The following AP3D1 variants were observed in gnomAD, a reference collection of about 807,000 sequenced individuals.
AP3D1 encodes the protein AP-3 complex subunit delta-1.
Under a neutral mutation model 147.6 loss-of-function variants are expected in AP3D1, and 51 were observed. The ratio of observed to expected loss-of-function variants is 0.35; its 90% CI spans 0.28 to 0.44. The LOEUF (loss-of-function observed/expected upper bound fraction) is 0.44. AP3D1 is among the 20% of genes least tolerant of loss of function. The probability of loss-of-function intolerance (pLI) is 1.00; values close to 1 mark genes in which losing one functional copy is unlikely to be tolerated. For synonymous variants in AP3D1, 760 were observed against 663.0 expected (o/e 1.15, Z -2.25); for missense variants, 1,421 against 1,624.2 (o/e 0.87, Z 2.15).
upstream of AP3D1, among the ~76,000 whole-genome samples, chr19:2,154,182 A>T (rs2019626740): frequency 6.6e-6 from 1 of 151,570 alleles, no homozygotes; most frequent in African/African-American, 2.4e-5. Flanking sequence ...TACTGACCTC[A>T]GGTGATCCGC....
At chr19:2,116,862 C>T in intron 16 of AP3D1, 116 bp from the exon 17 acceptor site, 14 of 1,341,820 alleles carry the variant, frequency 1.0e-5, no homozygotes, top group Non-Finnish European at 1.4e-5. Context: ...AACAGTGGGG[C>T]CTGCCACCCA....
intron 9 of AP3D1, among the ~76,000 whole-genome samples, chr19:2,125,042 G>A (rs1164426893): frequency 6.6e-6 from 1 of 152,190 alleles, no homozygotes; most frequent in African/African-American, 2.4e-5. Flanking sequence ...AGTGTACACT[G>A]CCTGGGTGTT....
chr19:2,146,772 C>T (rs1017304123), intron 1 of AP3D1, among the ~76,000 whole-genome samples: 1 of 152,086 alleles, frequency 6.6e-6, no homozygotes, highest in African/African-American at 2.4e-5. Context: ...GGGACGCATT[C>T]GGGAATTCTG....
intron 24 of AP3D1, chr19:2,112,071 C>T (rs899592649): frequency 1.9e-5 from 11 of 580,996 alleles, no homozygotes; most frequent in African/African-American, 5.6e-5. Context: ...CAGTCCCCAC[C>T]GACCAGGGAG....
intron 31 of AP3D1, among the ~76,000 whole-genome samples, chr19:2,105,473 A>C (rs1206151452): frequency 2.0e-5 from 3 of 152,236 alleles, no homozygotes; most frequent in Non-Finnish European, 4.4e-5. Flanking sequence ...GCTGCAGTTA[A>C]CTAGCCCAAC....
intron 4 of AP3D1, among the ~76,000 whole-genome samples, chr19:2,135,428 C>T (rs1420808171): frequency 6.6e-6 from 1 of 150,808 alleles, no homozygotes; most frequent in Non-Finnish European, 1.5e-5. Context: ...TCCAGCTACT[C>T]GGGAGGCTGA....
intron 1 of AP3D1, among the ~76,000 whole-genome samples, chr19:2,147,200 G>GC (rs1419824592): frequency 6.6e-6 from 1 of 152,058 alleles, no homozygotes; most frequent in Non-Finnish European, 1.5e-5. Context: ...CAAAAAATTA[G>GC]CCGGGGTGGT....
At chr19:2,134,582 CTA>C (rs752937005) in intron 4 of AP3D1, among the ~76,000 whole-genome samples, 147 of 127,958 alleles carry the variant, frequency 1.1e-3, no homozygotes, top group African/African-American at 3.4e-3. Flanking sequence ...TAAAAATACC[CTA>C]AAAAAAAAAA....
chr19:2,129,318 C>T lies in AP3D1; in HGVS notation c.732G>A (p.Leu244=). Residue 244 remains leucine (L), a splice_region_variant and synonymous_variant, in exon 7 of 32, where the codon CTG becomes CTA. Coordinates refer to ENST00000643116, the MANE Select transcript of AP3D1 (RefSeq NM_001261826.3). ...NNWVLIKIIK[L]FGALTPLEPR... is the part of the protein sequence containing the mutation. ...GGCCACATTCCCGGGCAGTACTTGC[C>T]AGCTTGATGATCTTGATGAGGACCC... 6.2e-7 allele frequency: 1 copy of T among 1,613,908 alleles called. No individual in the cohort carries two copies.
At chr19:2,140,755 C>CTT (rs71176516) in intron 1 of AP3D1, among the ~76,000 whole-genome samples, 1,167 of 107,138 alleles carry the variant, frequency 0.011, 23 homozygotes, top group Non-Finnish European at 0.014. Flanking sequence ...ACACAAACGT[C>CTT]TTTTTTTTTT....
rs544137028 is a variant in AP3D1 at position 2,145,372 on chromosome 19, CACCA to C, written c.96+5863_96+5866del. Among the ~76,000 whole-genome samples the C allele has an allele frequency of 7.4e-4, 113 of 152,358 alleles. No individual in the cohort carries two copies. In the Middle Eastern group the frequency reaches 0.014, roughly 18 times the overall value. ...CTCACTGCCACGTGGACAAATCAGC[CACCA>C]GCCAGTCCAAGAACTCCTAAGGCAG... On this transcript the variant is annotated intron_variant, in intron 1 of 31. Transcript: ENST00000643116.
intron 15 of AP3D1, among the ~76,000 whole-genome samples, chr19:2,117,818 G>C (rs1422510737): frequency 6.6e-6 from 1 of 152,246 alleles, no homozygotes; most frequent in African/African-American, 2.4e-5. Flanking sequence ...ATGCAGCCTT[G>C]AAGCTGGGTC....
chr19:2,140,455 G>A (rs1202274176), intron 1 of AP3D1, among the ~76,000 whole-genome samples: 1 of 151,690 alleles, frequency 6.6e-6, no homozygotes, highest in Non-Finnish European at 1.5e-5. Context: ...CCATGTGGTG[G>A]GTCTGCTCCA....
intron 1 of AP3D1, among the ~76,000 whole-genome samples, chr19:2,144,000 C>A (rs1332374804): frequency 6.6e-6 from 1 of 151,250 alleles, no homozygotes; most frequent in Non-Finnish European, 1.5e-5. Context: ...GCAAGAGAAT[C>A]GCTTGCACCC....
intron 1 of AP3D1, among the ~76,000 whole-genome samples, chr19:2,141,600 C>T (rs1260607319): frequency 1.3e-5 from 2 of 151,972 alleles, no homozygotes; most frequent in Non-Finnish European, 1.5e-5. Flanking sequence ...CACCACCACG[C>T]CCAGCTAATT....
intron 23 of AP3D1, 172 bp from the exon 24 acceptor site, chr19:2,113,139 T>TCCC: frequency 1.6e-6 from 1 of 624,652 alleles, no homozygotes; most frequent in African/African-American, 1.9e-5. Flanking sequence ...CTGGCTGTCC[T>TCCC]CCCCTTCCCC....
intron 6 of AP3D1, 86 bp downstream of exon 6, chr19:2,130,322 A>AC: frequency 1.9e-6 from 3 of 1,578,448 alleles, no homozygotes; most frequent in South Asian, 1.2e-5. Context: ...TCCCCGCAGC[A>AC]CCCCCCAAAA....
chr19:2,139,359 C>T (rs2019160897), intron 1 of AP3D1, among the ~76,000 whole-genome samples: 1 of 152,176 alleles, frequency 6.6e-6, no homozygotes, highest in Non-Finnish European at 1.5e-5. Context: ...GTGACTCTCA[C>T]TGCTGTGAAA....
rs749834285 is a variant in AP3D1 at position 2,117,212 on chromosome 19, G to A, written c.1859+10C>T. The A allele has an allele frequency of 5.1e-5, 81 of 1,596,804 alleles. No homozygotes were observed. Among genetic ancestry groups the A allele is most frequent in the Non-Finnish European group, 6.3e-5 (74 of 1,171,210 alleles). On this transcript the variant is annotated intron_variant, in intron 16 of 31. Coordinates refer to ENST00000643116, the MANE Select transcript of AP3D1 (RefSeq NM_001261826.3). ...CCATGGTTGCAATGCCCCCACCCCCGTATCCTTACCCTTCGGGGACTGGAA... is the reference window on the plus strand; with the variant it reads ...CCATGGTTGCAATGCCCCCACCCCCATATCCTTACCCTTCGGGGACTGGAA...
Sources: allele counts gnomAD v4.1 joint callset (sites outside exome capture counted in the v4.1 genomes callset), GRCh38; gene constraint gnomAD v4.1.1; transcripts MANE v1.5; gene names NCBI Gene and HGNC (gene_info 2026-07-23, HGNC 2026-07-21).